Variants in P2RY12 observed in about 807,000 individuals in gnomAD.
P2RY12 encodes the protein P2Y purinoceptor 12.
P2RY12 carries 3 observed loss-of-function variants against 4.5 expected under a neutral mutation model. That is an observed-to-expected ratio of 0.67 (90% confidence interval 0.31 to 1.74). The LOEUF is 1.74. P2RY12 is among the 40% of genes most tolerant of loss of function. The pLI, the probability that P2RY12 is intolerant of heterozygous loss-of-function variation, is 0.09. For synonymous variants in P2RY12, 148 were observed against 154.1 expected (o/e 0.96, Z 0.29); for missense variants, 356 against 407.8 (o/e 0.87, Z 1.09).
intron 1 of P2RY12, among the ~76,000 whole-genome samples, chr3:151,375,108 A>G (rs750877785): frequency 2.0e-5 from 3 of 152,216 alleles, no homozygotes; most frequent in Non-Finnish European, 4.4e-5. Context: ...GTGAGTGCAT[A>G]TTGGAATCAG....
At chr3:151,354,820 A>G (rs1560067958) in intron 1 of P2RY12, among the ~76,000 whole-genome samples, 1 of 152,210 alleles carries the variant, frequency 6.6e-6, no homozygotes, top group Non-Finnish European at 1.5e-5. Flanking sequence ...TGTGGAAAGC[A>G]TATACTATAT....
At chr3:151,354,024 C>T (rs906916483) in intron 1 of P2RY12, among the ~76,000 whole-genome samples, 3 of 149,532 alleles carry the variant, frequency 2.0e-5, no homozygotes, top group Non-Finnish European at 4.5e-5. Context: ...GCCTGTAGTC[C>T]CAGCTACTTG....
chr3:151,341,072 T>C (rs1033378935), intron 1 of P2RY12, among the ~76,000 whole-genome samples: 2 of 152,174 alleles, frequency 1.3e-5, no homozygotes, highest in Non-Finnish European at 2.9e-5. Context: ...CTGGAGAAGA[T>C]TTTAAGCTTG....
At chr3:151,375,579 G>C (rs1345512405) in intron 1 of P2RY12, among the ~76,000 whole-genome samples, 1 of 152,070 alleles carries the variant, frequency 6.6e-6, no homozygotes, top group Non-Finnish European at 1.5e-5. Flanking sequence ...ATTCATAATA[G>C]TATCAAAAAG....
chr3:151,384,631 C>T (rs986736219), intron 1 of P2RY12, 61 bp downstream of exon 1: 10 of 189,652 alleles, frequency 5.3e-5, no homozygotes, highest in Admixed American at 3.7e-4. Flanking sequence ...TGTAAGAAAA[C>T]AGTGCAAAAA....
chr3:151,383,894 T>G (rs781564721), intron 1 of P2RY12: 2 of 1,607,452 alleles, frequency 1.2e-6, no homozygotes, highest in Non-Finnish European at 1.7e-6. Flanking sequence ...AACAAGTATG[T>G]TTTTATCACT....
At chr3:151,367,732 G>A (rs369929601) in intron 1 of P2RY12, 39 of 1,611,242 alleles carry the variant, frequency 2.4e-5, no homozygotes, top group Non-Finnish European at 3.3e-5. Flanking sequence ...AGGACGTCGT[G>A]CAGCATGTCG....
rs868595262 is a variant in P2RY12, at chr3:151,369,685, G to A, written c.-180+15007C>T. 7.0e-6 allele frequency: 4 copies of A among 569,018 alleles called. No individual in the cohort carries two copies. The South Asian group carries it at 1.1e-4, about 15-fold the overall frequency. 35.2% of individuals were successfully genotyped at this position (569,018 alleles called of 1,614,324 possible). ...ATCGCTTATTCTCCTGGAAAAATTAGTGGTTTCTCCTAGACCAAATACATC... is the reference window on the plus strand; with the variant it reads ...ATCGCTTATTCTCCTGGAAAAATTAATGGTTTCTCCTAGACCAAATACATC... On this transcript the variant is annotated intron_variant, in intron 1 of 2. Coordinates refer to ENST00000302632, the MANE Select transcript of P2RY12 (RefSeq NM_022788.5).
intron 1 of P2RY12, chr3:151,355,025 CTGTA>C: frequency 6.1e-6 from 5 of 822,948 alleles, no homozygotes; most frequent in Non-Finnish European, 1.0e-5. Context: ...GTGCACTTTT[CTGTA>C]TGTATGCTAT....
At chr3:151,383,130 T>C (rs1258366607) in intron 1 of P2RY12, among the ~76,000 whole-genome samples, 2 of 152,234 alleles carry the variant, frequency 1.3e-5, no homozygotes, top group African/African-American at 2.4e-5. Flanking sequence ...TTCCATCAAA[T>C]TGATTATAAA....
chr3:151,366,801 C>G (rs1157732025), intron 1 of P2RY12, among the ~76,000 whole-genome samples: 1 of 151,956 alleles, frequency 6.6e-6, no homozygotes, highest in Non-Finnish European at 1.5e-5. Context: ...TAGATGTGGC[C>G]TGCTTTTCTG....
intron 1 of P2RY12, among the ~76,000 whole-genome samples, chr3:151,353,758 G>A (rs1257386099): frequency 1.3e-5 from 2 of 152,194 alleles, no homozygotes; most frequent in African/African-American, 4.8e-5. Context: ...AATCTGTAAA[G>A]TAACCTTTGT....
At chr3:151,380,702 AGATT>A (rs1712137048) in intron 1 of P2RY12, among the ~76,000 whole-genome samples, 1 of 152,214 alleles carries the variant, frequency 6.6e-6, no homozygotes, top group Non-Finnish European at 1.5e-5. Context: ...AGACACCACA[AGATT>A]AACAACTTTA....
intron 1 of P2RY12, among the ~76,000 whole-genome samples, chr3:151,359,020 G>C (rs1331681168): frequency 6.6e-6 from 1 of 152,112 alleles, no homozygotes; most frequent in Non-Finnish European, 1.5e-5. Context: ...GGTTATGATT[G>C]AAACCATCAG....
intron 1 of P2RY12, among the ~76,000 whole-genome samples, chr3:151,346,614 C>G (rs1316962657): frequency 6.6e-6 from 1 of 152,038 alleles, no homozygotes; most frequent in Non-Finnish European, 1.5e-5. Flanking sequence ...CTTATGTATC[C>G]CCTCCCCTGA....
At chr3:151,362,780 A>C (rs1006853038) in intron 1 of P2RY12, among the ~76,000 whole-genome samples, 1 of 152,232 alleles carries the variant, frequency 6.6e-6, no homozygotes, top group African/African-American at 2.4e-5. Flanking sequence ...GTATTAATAA[A>C]GTGTGAAAAT....
Position 151,338,395 on chromosome 3 carries a change from A to G in P2RY12, c.451T>C (p.Phe151Leu). Residue 151 changes from phenylalanine to leucine, a missense_variant, in exon 3 of 3, where the codon TTC becomes CTC. Coordinates refer to ENST00000302632, the MANE Select transcript of P2RY12 (RefSeq NM_022788.5). ...TTAGGCAAAGAGAGTAAGAACATGAATGCCCAGATGACAACAGAGAGAATC... is the reference window on the plus strand; with the variant it reads ...TTAGGCAAAGAGAGTAAGAACATGAGTGCCCAGATGACAACAGAGAGAATC... ...AKILSVVIWA[F>L]MFLLSLPNMI... 6.2e-7 allele frequency: 1 copy of G among 1,614,180 alleles called. No individual in the cohort carries two copies. The highest frequency in any genetic ancestry group is 8.5e-7 in the Non-Finnish European group (1 of 1,180,022).
At chr3:151,365,464 CAT>C (rs1297689777) in intron 1 of P2RY12, among the ~76,000 whole-genome samples, 2 of 151,874 alleles carry the variant, frequency 1.3e-5, no homozygotes, top group African/African-American at 2.4e-5. Context: ...TTTTCAAAAA[CAT>C]ATAATAAAAA....
At chr3:151,340,389 T>G (rs1296622246) in intron 2 of P2RY12, among the ~76,000 whole-genome samples, 3 of 152,208 alleles carry the variant, frequency 2.0e-5, no homozygotes, top group Non-Finnish European at 4.4e-5. Context: ...ATGCTTTGTA[T>G]AATTTTTCTT....
Sources: gnomAD v4.1 joint callset for allele counts (sites outside exome capture counted in the v4.1 genomes callset) on GRCh38, gnomAD v4.1.1 for gene constraint, MANE v1.5 for transcripts, NCBI Gene and HGNC (gene_info 2026-07-23, HGNC 2026-07-21) for gene names.